The following ZNF615 variants were observed in gnomAD, a reference collection of about 807,000 sequenced individuals.
The protein encoded by ZNF615 is zinc finger protein 615.
ZNF615 carries 15 observed loss-of-function variants against 15.3 expected under a neutral mutation model. The observed-to-expected ratio is 0.98, with a 90% confidence interval of 0.66 to 1.51. The LOEUF is 1.51. Among genes scored for constraint, ZNF615 ranks in the 40% most tolerant of loss-of-function variants. The pLI, the probability that ZNF615 is intolerant of heterozygous loss-of-function variation, is 0.00. For missense variants in ZNF615, 848 were observed against 895.9 expected (o/e 0.95, Z 0.68); for synonymous variants, 268 against 294.6 (o/e 0.91, Z 0.92).
chr19:51,996,717 G>A (rs1442968221), intron 6 of ZNF615, among the ~76,000 whole-genome samples: 1 of 152,202 alleles, frequency 6.6e-6, no homozygotes, highest in Non-Finnish European at 1.5e-5. Flanking sequence ...CAGGGCCAGG[G>A]ATCTTGTCAA....
At position 51,993,721 on chromosome 19, in the gene ZNF615, C is replaced by T. The variant is rs1203234771; in HGVS notation, c.1388G>A (p.Gly463Glu). The stretch of plus-strand genomic sequence containing the variant: ...TTCGGTGCATACATAGGGTTTCTCT[C>T]CAGTATGTGTTCGCTGATGTCTGAT... ...PLIRHQRTHTGEKPYVCTECR... is the reference protein window; with the variant it reads ...PLIRHQRTHTEEKPYVCTECR... Residue 463 changes from glycine to glutamate, a missense_variant, in exon 7 of 7, where the codon GGA becomes GAA. Transcript: ENST00000598071. The T allele has an allele frequency of 6.2e-7, 1 of 1,613,828 alleles. No individual in the cohort carries two copies. The highest frequency in any genetic ancestry group is 8.5e-7 in the Non-Finnish European group (1 of 1,180,004).
In ZNF615 at chr19:52,002,279, T is replaced by C. The variant is rs2086621935; in HGVS notation, c.18A>G (p.Glu6=). 1.2e-6 allele frequency: 2 copies of C among 1,614,052 alleles called. No homozygotes were observed. The highest frequency in any genetic ancestry group is 1.1e-5 in the South Asian group (1 of 91,084). The change falls in exon 4 of 7, where the codon GAA becomes GAG. Residue 6 remains glutamate (E), a splice_region_variant and synonymous_variant. Transcript: ENST00000598071. MMQAQ[E]SLTLEDVAVD... ...CAGCCACATCCTCCAGTGTTAGGGATTCCTGTAATAACACACTTCTGTTTA... is the reference window on the plus strand; with the variant it reads ...CAGCCACATCCTCCAGTGTTAGGGACTCCTGTAATAACACACTTCTGTTTA...
chr19:51,999,308 G>A (rs2086526287), intron 6 of ZNF615, among the ~76,000 whole-genome samples: 1 of 152,164 alleles, frequency 6.6e-6, no homozygotes, highest in Admixed American at 6.5e-5. Context: ...CAGACTCAGT[G>A]CAGTACCTAC....
In ZNF615 at chr19:52,003,767, C is replaced by G; in HGVS notation, c.-56G>C. On this transcript the variant is annotated 5_prime_UTR_variant, in exon 3 of 7. Transcript: ENST00000598071. ...CTTGGACGTTCTGTATTTGTCTCTT[C>G]TGAATCAGCTCTAAATTTCGGTTCA... 6.3e-7 allele frequency: 1 copy of G among 1,596,846 alleles called. No individual in the cohort carries two copies. Among genetic ancestry groups the G allele is most frequent in the Non-Finnish European group, 8.5e-7 (1 of 1,174,006 alleles).
Position 52,002,670 on chromosome 19 carries a change from G to A in ZNF615, c.16-389C>T, listed in dbSNP as rs186556278. Among the ~76,000 whole-genome samples the A allele has an allele frequency of 2.5e-3, 376 of 152,136 alleles. 3 individuals carry two copies. The highest frequency in any genetic ancestry group is 2.2e-3 in the Non-Finnish European group (148 of 68,002). On this transcript the variant is annotated intron_variant, in intron 3 of 6. Coordinates refer to ENST00000598071, the MANE Select transcript of ZNF615 (RefSeq NM_001199324.2). ...ATATCAAACTCTGTAATGAAGACAT[G>A]GCAGATGCTAGTATCACAAGACAAT...
chr19:51,993,987 A>G lies in ZNF615; in HGVS notation c.1122T>C (p.His374=). The stretch of plus-strand genomic sequence containing the variant: ...AGGGTTTCTCACCAGTATGAGTTCG[A>G]TGATGTGCAGTAAGACGCCTCTTCT... ...FIEKRRLTAH[H]RTHTGEKPFI... is the part of the protein sequence containing the mutation. Residue 374 remains histidine (H), a synonymous_variant, in exon 7 of 7, where the codon CAT becomes CAC. Transcript: ENST00000598071. The G allele has an allele frequency of 6.2e-7, 1 of 1,612,034 alleles. No homozygotes were observed.
Position 51,993,918 on chromosome 19 carries a change from A to C in ZNF615, c.1191T>G (p.Ser397Arg), listed in dbSNP as rs769002336. 1 of 1,614,058 alleles carries C rather than the reference A, an allele frequency of 6.2e-7. No homozygotes were observed. Among genetic ancestry groups the C allele is most frequent in the Admixed American group, 1.7e-5 (1 of 60,012 alleles). The change falls in exon 7 of 7, where the codon AGT (serine) becomes AGG (arginine). Residue 397 changes from serine (S) to arginine (R), a missense_variant. Transcript: ENST00000598071. ...KCGKGFTLKN[S>R]LITHQQTHTG... ...TATGAGTTTGCTGATGTGTGATAAG[A>C]CTGTTCTTCAAGGTGAAGCCTTTCC...
rs200914524 is a variant in ZNF615, at chr19:51,993,810, A to G, written c.1299T>C (p.His433=). Residue 433 remains histidine (H), a synonymous_variant, in exon 7 of 7, where the codon CAT becomes CAC. Transcript: ENST00000598071. The part of the protein sequence containing the change: ...KHCLMVHQRT[H]TGEKPYKCNE... Reference sequence around the variant, plus strand: ...TGCATTTATAAGGTTTCTCTCCAGTATGAGTTCGTTGATGTACCATGAGAC... The same window carrying G: ...TGCATTTATAAGGTTTCTCTCCAGTGTGAGTTCGTTGATGTACCATGAGAC... 129 of 1,614,174 alleles carry G rather than the reference A, an allele frequency of 8.0e-5. No homozygotes were observed. The highest frequency in any genetic ancestry group is 1.1e-4 in the Non-Finnish European group (124 of 1,180,024).
chr19:52,004,027 CT>C, intron 2 of ZNF615, 127 bp from the exon 3 acceptor site: 1 of 480,594 alleles, frequency 2.1e-6, no homozygotes, highest in South Asian at 8.0e-5. Context: ...GCTCCAGAAG[CT>C]TTTATATCTG....
chr19:51,998,382 TTCATCATCTATCTGC>T (rs2086501047), intron 6 of ZNF615, among the ~76,000 whole-genome samples: 1 of 152,140 alleles, frequency 6.6e-6, no homozygotes, highest in African/African-American at 2.4e-5. Flanking sequence ...CCTACACGTG[TTCATCATCTATCTGC>T]TCAAAGGCAC....
Position 52,002,169 on chromosome 19 carries a change from T to G in ZNF615, c.128A>C (p.Asn43Thr). ...YRDVMLENYS[N>T]LVAVGYQASK... ...GCTGTCCTCACCCACTGCCACCAGGTTGCTGTAGTTCTCCAACATCACGTC... is the reference window on the plus strand; with the variant it reads ...GCTGTCCTCACCCACTGCCACCAGGGTGCTGTAGTTCTCCAACATCACGTC... Residue 43 changes from asparagine (N) to threonine (T), a missense_variant, in exon 4 of 7, where the codon AAC (asparagine) becomes ACC (threonine). Coordinates refer to ENST00000598071, the MANE Select transcript of ZNF615 (RefSeq NM_001199324.2). The G allele has an allele frequency of 1.2e-6, 2 of 1,614,188 alleles. No individual in the cohort carries two copies. Among genetic ancestry groups the G allele is most frequent in the Non-Finnish European group, 1.7e-6 (2 of 1,180,032 alleles).
At chr19:52,004,165 C>G (rs2086683623) in intron 2 of ZNF615, among the ~76,000 whole-genome samples, 1 of 152,106 alleles carries the variant, frequency 6.6e-6, no homozygotes, top group African/African-American at 2.4e-5. Flanking sequence ...CAACGTGATG[C>G]CCAGCAGCTG....
chr19:52,000,934 A>G (rs183288188), intron 5 of ZNF615, among the ~76,000 whole-genome samples: 1 of 152,200 alleles, frequency 6.6e-6, no homozygotes, highest in Non-Finnish European at 1.5e-5. Context: ...TTCCAAAAAA[A>G]AAAAGTATGG....
chr19:51,995,017 G>A (rs555677108), intron 6 of ZNF615, among the ~76,000 whole-genome samples, 180 bp from the exon 7 acceptor site: 17 of 152,218 alleles, frequency 1.1e-4, no homozygotes, highest in African/African-American at 3.1e-4. Context: ...GACTGAGTCC[G>A]AAAAAGGAGT....
intron 6 of ZNF615, 139 bp from the exon 7 acceptor site, chr19:51,994,976 A>G: frequency 1.1e-6 from 1 of 905,212 alleles, no homozygotes. Flanking sequence ...TTTGTGAGCA[A>G]TAAAGCTTTT....
chr19:52,008,005 T>C, intron 1 of ZNF615, 136 bp downstream of exon 1: 1 of 782,048 alleles, frequency 1.3e-6, no homozygotes, highest in African/African-American at 1.7e-5. Flanking sequence ...GCTAAGCTCC[T>C]GAAAGAATTC....
chr19:51,996,271 G>A (rs1034938081), intron 6 of ZNF615, among the ~76,000 whole-genome samples: 8 of 151,250 alleles, frequency 5.3e-5, no homozygotes, highest in African/African-American at 1.2e-4. Flanking sequence ...CCGTAGTCCC[G>A]GCTACTTGGG....
rs2122989526 is a variant in ZNF615, at chr19:51,991,797, TC to T, written c.*1082del. On this transcript the variant is annotated 3_prime_UTR_variant, in exon 7 of 7. Coordinates refer to ENST00000598071, the MANE Select transcript of ZNF615 (RefSeq NM_001199324.2). The stretch of plus-strand genomic sequence containing the variant: ...TGCATGCATGTTAAAACTGGTGATT[TC>T]CAAATAAATTCTGTAGTTAACAGTA... 6.6e-6 allele frequency: 1 copy of T among 152,260 alleles called. No individual in the cohort carries two copies. Among genetic ancestry groups the T allele is most frequent in the East Asian group, 1.9e-4 (1 of 5,188 alleles). The allele number at this position is 152,260 out of a possible 1,614,324, so 9.4% of individuals were successfully genotyped here. A position where few individuals can be genotyped will look rare whatever the true frequency, so the allele number is the denominator to read the frequency against.
Position 52,003,916 on chromosome 19 carries a change from C to T in ZNF615, c.-189-16G>A. ...CACCTGTGGGCTGAAGAGCAAATTA[C>T]TCTGAGTGGTACATTCTTTTTAGGC... On this transcript the variant is annotated splice_polypyrimidine_tract_variant and intron_variant, in intron 2 of 6. Coordinates refer to ENST00000598071, the MANE Select transcript of ZNF615 (RefSeq NM_001199324.2). 1 of 1,361,876 alleles carries T rather than the reference C, an allele frequency of 7.3e-7. No individual in the cohort carries two copies. Among genetic ancestry groups the T allele is most frequent in the Non-Finnish European group, 9.4e-7 (1 of 1,058,890 alleles). The allele number at this position is 1,361,876 out of a possible 1,614,324, so 84.4% of individuals were successfully genotyped here. A position where few individuals can be genotyped will look rare whatever the true frequency, so the allele number is the denominator to read the frequency against.
Sources: allele counts gnomAD v4.1 joint callset (sites outside exome capture counted in the v4.1 genomes callset), GRCh38; gene constraint gnomAD v4.1.1; transcripts MANE v1.5; gene names NCBI Gene and HGNC (gene_info 2026-07-23, HGNC 2026-07-21).